The following TPRG1 variants were observed in gnomAD, a reference collection of about 807,000 sequenced individuals.
TPRG1 encodes the protein tumor protein p63-regulated gene 1 protein.
Under a neutral mutation model 29.3 loss-of-function variants are expected in TPRG1, and 29 were observed. That is an observed-to-expected ratio of 0.99 (90% CI 0.74 to 1.35). The LOEUF (loss-of-function observed/expected upper bound fraction) is 1.35, where lower values mean the gene tolerates loss of function less well. TPRG1 is among the 40% of genes most tolerant of loss of function. TPRG1 has a pLI of 0.00. For synonymous variants in TPRG1, 130 were observed against 116.8 expected (o/e 1.11, Z -0.73); for missense variants, 327 against 335.0 (o/e 0.98, Z 0.19).
At chr3:189,269,808 T>A (rs1714762522) in intron 4 of TPRG1, among the ~76,000 whole-genome samples, 1 of 152,194 alleles carries the variant, frequency 6.6e-6, no homozygotes, top group African/African-American at 2.4e-5. Flanking sequence ...AGAGTAAGAC[T>A]TAAAGATGGG....
At chr3:189,075,254 T>C (rs1321493108) in intron 4 of TPRG1, among the ~76,000 whole-genome samples, 1 of 152,190 alleles carries the variant, frequency 6.6e-6, no homozygotes, top group Non-Finnish European at 1.5e-5. Flanking sequence ...CGTCTCCGCC[T>C]CCCAAGTAGC....
At chr3:189,066,597 G>A (rs4011847) in intron 4 of TPRG1, among the ~76,000 whole-genome samples, 14,578 of 151,218 alleles carry the variant, frequency 0.096, 1,104 homozygotes, top group African/African-American at 0.21. Context: ...CTGAAAAAGC[G>A]TTTGATACAA....
At chr3:189,281,394 G>A (rs925784208) in intron 4 of TPRG1, among the ~76,000 whole-genome samples, 6 of 152,116 alleles carry the variant, frequency 3.9e-5, no homozygotes, top group Admixed American at 6.6e-5. Flanking sequence ...GTGAAACTTC[G>A]TACACCTTTA....
chr3:189,206,875 C>T (rs964808037), intron 1 of TPRG1, among the ~76,000 whole-genome samples: 2 of 149,344 alleles, frequency 1.3e-5, no homozygotes, highest in African/African-American at 5.1e-5. Flanking sequence ...GGGTATTCGT[C>T]TAATTATTTT....
At chr3:189,243,307 G>A (rs1033437035) in intron 4 of TPRG1, among the ~76,000 whole-genome samples, 2 of 152,118 alleles carry the variant, frequency 1.3e-5, no homozygotes, top group African/African-American at 2.4e-5. Context: ...ATACAAAGAG[G>A]ATGATACCCA....
chr3:189,132,170 G>A (rs1332389700), intron 2 of TPRG1, among the ~76,000 whole-genome samples: 2 of 152,122 alleles, frequency 1.3e-5, no homozygotes, highest in African/African-American at 2.4e-5. Flanking sequence ...TGCATTTGGA[G>A]TGAGCCCAAA....
chr3:189,154,252 A>G (rs1017629185), intron 5 of TPRG1, among the ~76,000 whole-genome samples: 1 of 152,210 alleles, frequency 6.6e-6, no homozygotes, highest in African/African-American at 2.4e-5. Flanking sequence ...CAAAGTGAAG[A>G]TTATTACCCT....
intron 3 of TPRG1, among the ~76,000 whole-genome samples, chr3:189,022,825 G>A (rs1295672369): frequency 3.3e-5 from 5 of 152,338 alleles, no homozygotes; most frequent in African/African-American, 1.2e-4. Context: ...CCCTCCCCCA[G>A]CCTCGCTGCC....
At chr3:189,209,061 G>T (rs1049044529) in intron 2 of TPRG1, among the ~76,000 whole-genome samples, 1 of 152,200 alleles carries the variant, frequency 6.6e-6, no homozygotes, top group Non-Finnish European at 1.5e-5. Flanking sequence ...AGGAAAAACT[G>T]GAACCTATGT....
chr3:189,186,716 G>C (rs573730177), intron 1 of TPRG1, among the ~76,000 whole-genome samples: 1 of 151,508 alleles, frequency 6.6e-6, no homozygotes, highest in East Asian at 1.9e-4. Context: ...AGAGAAAATT[G>C]AGATGGGGGC....
intron 1 of TPRG1, among the ~76,000 whole-genome samples, chr3:189,100,627 AG>A (rs978896781): frequency 1.3e-5 from 2 of 152,220 alleles, no homozygotes; most frequent in Non-Finnish European, 2.9e-5. Context: ...GACCCTGAAA[AG>A]TAGCTAGTAG....
chr3:189,074,948 A>G (rs1180630783), intron 4 of TPRG1, among the ~76,000 whole-genome samples: 1 of 151,420 alleles, frequency 6.6e-6, no homozygotes, highest in Non-Finnish European at 1.5e-5. Flanking sequence ...AGTAGCTGGG[A>G]CTACAGGCGC....
intron 1 of TPRG1, among the ~76,000 whole-genome samples, chr3:189,197,011 G>A (rs1019589403): frequency 6.6e-6 from 1 of 152,188 alleles, no homozygotes; most frequent in African/African-American, 2.4e-5. Flanking sequence ...GTTGTGGAAT[G>A]TTTGTTCTCA....
chr3:189,307,997 T>C (rs1371239238), intron 4 of TPRG1, among the ~76,000 whole-genome samples: 2 of 152,312 alleles, frequency 1.3e-5, no homozygotes, highest in African/African-American at 4.8e-5. Context: ...AGAGAATTCA[T>C]ACCCCAAGAC....
At chr3:189,157,123 G>C (rs1726792920) in intron 5 of TPRG1, among the ~76,000 whole-genome samples, 1 of 152,192 alleles carries the variant, frequency 6.6e-6, no homozygotes, top group South Asian at 2.1e-4. Context: ...TAAATTGAGA[G>C]TGCTACAGCC....
chr3:189,096,665 G>A (rs114505493), upstream of TPRG1, among the ~76,000 whole-genome samples: 2,067 of 152,296 alleles, frequency 0.014, 44 homozygotes, highest in African/African-American at 0.045. Context: ...GAAATTAAAA[G>A]TGTGAAACGT....
chr3:189,216,374 G>A (rs534573859), intron 3 of TPRG1, among the ~76,000 whole-genome samples: 1 of 152,128 alleles, frequency 6.6e-6, no homozygotes, highest in African/African-American at 2.4e-5. Flanking sequence ...ATCCAGGCCA[G>A]CAGAACAAAT....
At chr3:189,169,550 T>C (rs150812248), upstream of TPRG1, among the ~76,000 whole-genome samples, 39 of 152,374 alleles carry the variant, frequency 2.6e-4, no homozygotes, top group East Asian at 7.3e-3. Flanking sequence ...AATTATTCTG[T>C]GCTTCCCTGC....
intron 2 of TPRG1, among the ~76,000 whole-genome samples, chr3:189,208,800 T>C (rs1054332709): frequency 6.6e-6 from 1 of 152,176 alleles, no homozygotes; most frequent in Non-Finnish European, 1.5e-5. Flanking sequence ...GTGCTATCTT[T>C]GATATTGATG....
Sources: gnomAD v4.1 joint callset for allele counts (sites outside exome capture counted in the v4.1 genomes callset) on GRCh38, gnomAD v4.1.1 for gene constraint, MANE v1.5 for transcripts, NCBI Gene and HGNC (gene_info 2026-07-23, HGNC 2026-07-21) for gene names.